The following EPSTI1 variants were observed in gnomAD, a reference collection of about 807,000 sequenced individuals.
EPSTI1 encodes the protein epithelial-stromal interaction protein 1.
Under a neutral mutation model 49.9 loss-of-function variants are expected in EPSTI1, and 66 were observed. The observed-to-expected ratio is 1.32, with a 90% CI of 1.08 to 1.62. EPSTI1 has a LOEUF of 1.62. EPSTI1 is among the 40% of genes most tolerant of loss of function. EPSTI1 has a pLI of 0.00. For synonymous variants in EPSTI1, 137 were observed against 130.7 expected, an observed-to-expected ratio of 1.05 and a Z score of -0.33; for missense variants, 394 against 365.5, an observed-to-expected ratio of 1.08 and a Z score of -0.64.
intron 6 of EPSTI1, among the ~76,000 whole-genome samples, chr13:42,945,941 A>G (rs1219440999): frequency 2.0e-5 from 3 of 152,232 alleles, no homozygotes; most frequent in Non-Finnish European, 2.9e-5. Context: ...TTTTGTATCT[A>G]TAAGTTCACT....
At chr13:42,926,577 A>C (rs2038187439) in intron 6 of EPSTI1, 148 bp from the exon 7 acceptor site, 2 of 649,054 alleles carry the variant, frequency 3.1e-6, no homozygotes, top group Non-Finnish European at 5.7e-6. Context: ...AACAAGGTGT[A>C]GCAGAAATCA....
intron 8 of EPSTI1, among the ~76,000 whole-genome samples, chr13:42,911,944 C>A (rs1248779257): frequency 6.6e-6 from 1 of 152,146 alleles, no homozygotes; most frequent in Non-Finnish European, 1.5e-5. Flanking sequence ...CTTTACATGA[C>A]TTCCCTATAA....
chr13:42,902,083 C>T (rs1321483827), intron 8 of EPSTI1, among the ~76,000 whole-genome samples: 1 of 152,158 alleles, frequency 6.6e-6, no homozygotes, highest in Admixed American at 6.5e-5. Flanking sequence ...CATGTCCCTA[C>T]AAAGGACATG....
chr13:42,911,904 T>C (rs1216853801), intron 8 of EPSTI1, among the ~76,000 whole-genome samples: 2 of 152,188 alleles, frequency 1.3e-5, no homozygotes, highest in South Asian at 2.1e-4. Context: ...TAGTATTGAA[T>C]GGATTAAAAT....
chr13:42,898,353 TTGAG>T (rs1013948262), intron 9 of EPSTI1, among the ~76,000 whole-genome samples: 5 of 152,230 alleles, frequency 3.3e-5, no homozygotes, highest in Non-Finnish European at 2.9e-5. Flanking sequence ...TAAGAGTTCA[TTGAG>T]TATGTATTCT....
intron 8 of EPSTI1, among the ~76,000 whole-genome samples, chr13:42,913,826 T>A (rs536760087): frequency 2.4e-4 from 36 of 152,326 alleles, no homozygotes; most frequent in African/African-American, 8.7e-4. Flanking sequence ...TGAATTGTAA[T>A]CCCCAATCTT....
At chr13:42,936,770 T>C (rs2038578433) in intron 6 of EPSTI1, among the ~76,000 whole-genome samples, 1 of 152,254 alleles carries the variant, frequency 6.6e-6, no homozygotes, top group Admixed American at 6.5e-5. Context: ...CCATTTGATA[T>C]ATCCAAACCA....
intron 9 of EPSTI1, among the ~76,000 whole-genome samples, chr13:42,896,787 C>G (rs1566096395): frequency 6.6e-6 from 1 of 152,170 alleles, no homozygotes; most frequent in Non-Finnish European, 1.5e-5. Context: ...CACTGAGTAT[C>G]ATTCTCTTCT....
At chr13:42,899,230 T>C (rs1287037247) in intron 9 of EPSTI1, among the ~76,000 whole-genome samples, 1 of 150,652 alleles carries the variant, frequency 6.6e-6, no homozygotes, top group Non-Finnish European at 1.5e-5. Flanking sequence ...GAGAAAATAA[T>C]AAACAGCAAT....
intron 8 of EPSTI1, among the ~76,000 whole-genome samples, chr13:42,904,106 AG>A (rs1246267140): frequency 1.3e-5 from 2 of 152,232 alleles, no homozygotes; most frequent in African/African-American, 4.8e-5. Context: ...TTCTAGAGAA[AG>A]GAAACCCATA....
intron 10 of EPSTI1, among the ~76,000 whole-genome samples, chr13:42,894,003 T>C (rs2037115184): frequency 6.6e-6 from 1 of 152,236 alleles, no homozygotes; most frequent in Admixed American, 6.5e-5. Flanking sequence ...CAAATGAGCA[T>C]ATATTACGGA....
intron 1 of EPSTI1, among the ~76,000 whole-genome samples, chr13:42,975,080 C>G (rs573985544): frequency 6.6e-6 from 1 of 152,178 alleles, no homozygotes; most frequent in South Asian, 2.1e-4. Context: ...TAGAGATAAT[C>G]AAAGGCATTT....
intron 6 of EPSTI1, among the ~76,000 whole-genome samples, chr13:42,944,803 G>T (rs930237015): frequency 1.3e-5 from 2 of 152,062 alleles, no homozygotes; most frequent in Non-Finnish European, 2.9e-5. Flanking sequence ...ACAAAAACAA[G>T]ATCACTCTAT....
intron 1 of EPSTI1, among the ~76,000 whole-genome samples, chr13:42,974,266 G>A (rs1284699648): frequency 6.6e-6 from 1 of 152,080 alleles, no homozygotes; most frequent in Non-Finnish European, 1.5e-5. Flanking sequence ...ATCCCAGGGG[G>A]CAGAGGTTGC....
intron 8 of EPSTI1, among the ~76,000 whole-genome samples, chr13:42,908,503 A>AAC (rs1447703932): frequency 1.1e-3 from 160 of 149,486 alleles, no homozygotes; most frequent in Non-Finnish European, 2.0e-3. Context: ...AAAAAAAAAA[A>AAC]GGAAAAGAAA....
intron 6 of EPSTI1, among the ~76,000 whole-genome samples, chr13:42,928,329 C>T (rs1025511225): frequency 1.6e-4 from 24 of 152,132 alleles, no homozygotes; most frequent in African/African-American, 5.6e-4. Context: ...CTGTAGGTAA[C>T]TCTGGTTATA....
chr13:42,933,219 TTAA>T (rs1336255509), intron 6 of EPSTI1, among the ~76,000 whole-genome samples: 3 of 151,976 alleles, frequency 2.0e-5, no homozygotes, highest in African/African-American at 7.2e-5. Flanking sequence ...GTATAAGATA[TTAA>T]TGTTAGCTAG....
At chr13:42,962,340 T>C (rs1440762841) in intron 5 of EPSTI1, among the ~76,000 whole-genome samples, 1 of 152,160 alleles carries the variant, frequency 6.6e-6, no homozygotes, top group African/African-American at 2.4e-5. Flanking sequence ...TGGTGCTTGT[T>C]CAAGGGCCAT....
intron 7 of EPSTI1, among the ~76,000 whole-genome samples, chr13:42,923,160 T>C (rs1039868197): frequency 3.9e-5 from 6 of 152,308 alleles, no homozygotes; most frequent in African/African-American, 1.2e-4. Context: ...GTGCCTAAGC[T>C]AAGACATTTT....
Sources: gnomAD v4.1 joint callset for allele counts (sites outside exome capture counted in the v4.1 genomes callset) on GRCh38, gnomAD v4.1.1 for gene constraint, MANE v1.5 for transcripts, NCBI Gene and HGNC (gene_info 2026-07-23, HGNC 2026-07-21) for gene names.